Variants in CYTH3 observed in about 807,000 individuals in gnomAD.
The protein encoded by CYTH3 is cytohesin 3.
A neutral mutation model predicts 55.1 loss-of-function variants in CYTH3; 23 were observed. The ratio of observed to expected loss-of-function variants is 0.42; its 90% confidence interval spans 0.30 to 0.59. The LOEUF (loss-of-function observed/expected upper bound fraction) is 0.59, where lower values mean the gene tolerates loss of function less well. Ranked by LOEUF, CYTH3 falls within the 20% of genes least tolerant of loss-of-function variation. CYTH3 has a pLI of 0.20. For synonymous variants in CYTH3, 249 were observed against 194.9 expected (o/e 1.28, Z -2.31); for missense variants, 413 against 524.8 (o/e 0.79, Z 2.08).
At chr7:6,182,287 C>G (rs1433965817) in intron 4 of CYTH3, among the ~76,000 whole-genome samples, 3 of 152,146 alleles carry the variant, frequency 2.0e-5, no homozygotes, top group African/African-American at 4.8e-5. Context: ...TAACCTCAGG[C>G]AATCCACCCA....
Position 6,272,573 on chromosome 7 carries a change from C to T in CYTH3, c.-66G>A. ...GCAGAGGGGCCGCGGGCTGGGGACG[C>T]CGCCGGAGGGAGCGCGCAGGCGACC... On this transcript the variant is annotated 5_prime_UTR_variant, in exon 1 of 13. Transcript: ENST00000350796. 1 of 1,152,266 alleles carries T rather than the reference C, an allele frequency of 8.7e-7. No individual in the cohort carries two copies. The highest frequency in any genetic ancestry group is 3.2e-5 in the South Asian group (1 of 31,552). The allele number at this position is 1,152,266 out of a possible 1,614,324, so 71.4% of individuals were successfully genotyped here.
At chr7:6,192,506 C>A (rs1029339525) in intron 1 of CYTH3, among the ~76,000 whole-genome samples, 1 of 151,356 alleles carries the variant, frequency 6.6e-6, no homozygotes, top group South Asian at 2.1e-4. Flanking sequence ...CAGATGTGAG[C>A]CACTGTGCCC....
At chr7:6,193,685 A>G (rs1377075345) in intron 1 of CYTH3, among the ~76,000 whole-genome samples, 1 of 152,110 alleles carries the variant, frequency 6.6e-6, no homozygotes, top group African/African-American at 2.4e-5. Context: ...AAATAAGGAG[A>G]ACTGGTTGAA....
At chr7:6,239,690 T>C (rs1343177897) in intron 1 of CYTH3, among the ~76,000 whole-genome samples, 1 of 152,252 alleles carries the variant, frequency 6.6e-6, no homozygotes, top group East Asian at 1.9e-4. Flanking sequence ...ATAAAATTAA[T>C]ATAGAGAAAT....
At chr7:6,232,346 T>C (rs115531466) in intron 1 of CYTH3, among the ~76,000 whole-genome samples, 2 of 152,178 alleles carry the variant, frequency 1.3e-5, no homozygotes, top group African/African-American at 2.4e-5. Context: ...ACTGCTGGCC[T>C]TGGAGATGCT....
At chr7:6,246,169 C>T (rs138673502) in intron 1 of CYTH3, among the ~76,000 whole-genome samples, 111 of 152,124 alleles carry the variant, frequency 7.3e-4, no homozygotes, top group African/African-American at 2.5e-3. Context: ...CGGCCTCAAA[C>T]TCTTGAGCTC....
At chr7:6,172,874 G>T in intron 6 of CYTH3, 7 of 1,256,490 alleles carry the variant, frequency 5.6e-6, no homozygotes, top group Non-Finnish European at 7.2e-6. Context: ...CATCACGAGG[G>T]TCCCACAAAA....
chr7:6,236,171 TAATA>T (rs1031522051), intron 1 of CYTH3, among the ~76,000 whole-genome samples: 11 of 152,244 alleles, frequency 7.2e-5, no homozygotes, highest in African/African-American at 2.6e-4. Flanking sequence ...TTAGAAATGT[TAATA>T]TATAGGATAT....
chr7:6,215,643 A>G (rs1037982234), intron 1 of CYTH3, among the ~76,000 whole-genome samples: 2 of 152,028 alleles, frequency 1.3e-5, no homozygotes, highest in Non-Finnish European at 2.9e-5. Context: ...CTAGAAAAAC[A>G]TTTTTTAATA....
chr7:6,177,895 T>C lies in CYTH3; in HGVS notation c.296A>G (p.Glu99Gly), dbSNP rs1357854504. The change falls in exon 5 of 13, where the codon GAA becomes GGA. Residue 99 changes from glutamate to glycine, a missense_variant. This residue lies in a region of CYTH3 where 152 missense variants were observed against 148.1 expected (regional missense o/e 1.03). Transcript: ENST00000350796. ...TTTATAAAGGAACTGGGCGACGTCT[T>C]CTGGGGAACTCTGTAGCAGGTCATT... ...IENDLLQSSP[E>G]DVAQFLYKGE... is the part of the protein sequence containing the mutation. 2 of 1,614,214 alleles carry C rather than the reference T, an allele frequency of 1.2e-6. No individual in the cohort carries two copies. The highest frequency in any genetic ancestry group is 1.7e-6 in the Non-Finnish European group (2 of 1,180,010).
chr7:6,185,743 G>A (rs931694992), intron 4 of CYTH3, among the ~76,000 whole-genome samples: 3 of 151,652 alleles, frequency 2.0e-5, no homozygotes, highest in African/African-American at 7.3e-5. Context: ...GCGCATACCT[G>A]CAGTCCCAGA....
chr7:6,184,049 C>CTTTTTT (rs60634853), intron 4 of CYTH3, among the ~76,000 whole-genome samples: 14 of 46,402 alleles, frequency 3.0e-4, no homozygotes, highest in Non-Finnish European at 5.0e-4. Flanking sequence ...CCCTCTGTGG[C>CTTTTTT]TTTTTTTTTT....
At chr7:6,213,626 G>T (rs1487174219) in intron 1 of CYTH3, among the ~76,000 whole-genome samples, 2 of 151,942 alleles carry the variant, frequency 1.3e-5, no homozygotes, top group Admixed American at 6.6e-5. Flanking sequence ...ACCCCCAGGG[G>T]CCTTGAGAAC....
intron 1 of CYTH3, among the ~76,000 whole-genome samples, chr7:6,222,470 C>T (rs888987020): frequency 6.6e-6 from 1 of 152,102 alleles, no homozygotes; most frequent in Non-Finnish European, 1.5e-5. Context: ...AAAACTGAAT[C>T]AATTTTGGCT....
In CYTH3 at chr7:6,165,299, C is replaced by T. The variant is rs146476912; in HGVS notation, c.1101G>A (p.Glu367=). 1 of 1,613,402 alleles carries T rather than the reference C, an allele frequency of 6.2e-7. No homozygotes were observed. Among genetic ancestry groups the T allele is most frequent in the African/African-American group, 1.3e-5 (1 of 74,912 alleles). ...TGATGGATTTCATCCACTCCTCCTT[C>T]TCCTCCGGGCTCGGGGCTGAGATCC... The part of the protein sequence containing the change: ...VYRISAPSPE[E]KEEWMKSIKA... Residue 367 remains glutamate (E), a synonymous_variant, in exon 12 of 13, where the codon GAG becomes GAA. Transcript: ENST00000350796.
At chr7:6,229,366 G>A (rs1779329308) in intron 1 of CYTH3, among the ~76,000 whole-genome samples, 2 of 152,148 alleles carry the variant, frequency 1.3e-5, no homozygotes, top group South Asian at 4.1e-4. Context: ...TTTCCTATGA[G>A]ACACACAGAA....
intron 4 of CYTH3, 43 bp from the exon 5 acceptor site, chr7:6,177,984 C>G (rs1783391748): frequency 1.4e-6 from 2 of 1,465,176 alleles, no homozygotes; most frequent in East Asian, 2.3e-5. Context: ...GAGTGTCACT[C>G]AAACTCATTT....
At chr7:6,255,386 C>G (rs576098108) in intron 1 of CYTH3, among the ~76,000 whole-genome samples, 1 of 152,250 alleles carries the variant, frequency 6.6e-6, no homozygotes, top group African/African-American at 2.4e-5. Context: ...AATGGCTGAC[C>G]TGATATAGCA....
At chr7:6,218,995 C>G (rs972524183) in intron 1 of CYTH3, among the ~76,000 whole-genome samples, 1 of 115,490 alleles carries the variant, frequency 8.7e-6, no homozygotes, top group Non-Finnish European at 1.6e-5. Flanking sequence ...CGGGGAGAGA[C>G]TCCGTCTCAA....
Sources: gnomAD v4.1 joint callset for allele counts (sites outside exome capture counted in the v4.1 genomes callset) on GRCh38, gnomAD v4.1.1 for gene constraint, gnomAD v4.1.1 regional missense constraint, MANE v1.5 for transcripts, NCBI Gene and HGNC (gene_info 2026-07-23, HGNC 2026-07-21) for gene names.